The following PCDHA8 variants were observed in gnomAD, a reference collection of about 807,000 sequenced individuals.
PCDHA8 encodes protocadherin alpha 8, also known as protocadherin alpha-8.
PCDHA8 carries 53 observed loss-of-function variants against 61.8 expected under a neutral mutation model. That is an observed-to-expected ratio of 0.86 (90% CI 0.69 to 1.08). The LOEUF (loss-of-function observed/expected upper bound fraction) is 1.08, where lower values mean the gene tolerates loss of function less well. Among genes scored for constraint, PCDHA8 ranks in the 50% least tolerant of loss-of-function variants. PCDHA8 has a pLI of 0.00. For synonymous variants in PCDHA8, 618 were observed against 556.6 expected, an observed-to-expected ratio of 1.11 and a Z score of -1.55; for missense variants, 1,293 against 1,245.0, an observed-to-expected ratio of 1.04 and a Z score of -0.58.
At chr5:140,844,484 A>G (rs1442751127) in intron 1 of PCDHA8, among the ~76,000 whole-genome samples, 1 of 149,426 alleles carries the variant, frequency 6.7e-6, no homozygotes, top group Non-Finnish European at 1.5e-5. Context: ...CTCTATGTTT[A>G]GGAAATGATT....
chr5:140,969,225 C>G (rs782766938), intron 1 of PCDHA8: 13 of 1,614,118 alleles, frequency 8.1e-6, no homozygotes, highest in Admixed American at 1.7e-5. Flanking sequence ...CCAGGGCCTT[C>G]GGGAGCCCAA....
intron 1 of PCDHA8, chr5:140,864,371 G>C (rs1005201982): frequency 6.6e-6 from 1 of 151,926 alleles, no homozygotes; most frequent in Non-Finnish European, 1.5e-5. Context: ...TTCTATAATC[G>C]ATAAGTTTAT....
intron 1 of PCDHA8, chr5:140,853,873 G>T (rs1238273560): frequency 1.0e-6 from 1 of 983,500 alleles, no homozygotes; most frequent in Non-Finnish European, 1.2e-6. Context: ...GACAGTGCAA[G>T]TTTCTGTAAT....
At chr5:140,881,382 C>T (rs1312033271) in intron 1 of PCDHA8, 2 of 983,994 alleles carry the variant, frequency 2.0e-6, no homozygotes, top group Non-Finnish European at 2.4e-6. Flanking sequence ...CAGCCGGCGG[C>T]GGTAAGTTAA....
At position 140,841,270 on chromosome 5, in the gene PCDHA8, C is replaced by A; in HGVS notation, c.-52C>A. On this transcript the variant is annotated 5_prime_UTR_variant, in exon 1 of 4. Transcript: ENST00000531613. ...GATTAAAAGACTCTGAAAGTACAGT[C>A]GTTCATCTTTATATTAAGATAATAT... 4 of 1,529,280 alleles carry A rather than the reference C, an allele frequency of 2.6e-6. No individual in the cohort carries two copies. The South Asian group carries it at 3.9e-5, about 15-fold the overall frequency. 94.7% of individuals were successfully genotyped at this position (1,529,280 alleles called of 1,614,324 possible).
chr5:140,898,392 T>G (rs1464159946), intron 1 of PCDHA8, among the ~76,000 whole-genome samples: 3 of 152,224 alleles, frequency 2.0e-5, no homozygotes, highest in African/African-American at 7.2e-5. Flanking sequence ...GGATCCAGTT[T>G]CAGCTTTCTA....
intron 1 of PCDHA8, chr5:140,875,972 T>G: frequency 6.2e-7 from 1 of 1,614,068 alleles, no homozygotes; most frequent in Non-Finnish European, 8.5e-7. Context: ...GTAAACTCTC[T>G]TTTGACCTAT....
intron 1 of PCDHA8, chr5:140,863,004 G>A (rs1236967953): frequency 1.8e-6 from 1 of 551,012 alleles, no homozygotes; most frequent in African/African-American, 1.9e-5. Flanking sequence ...GTGGACTCCA[G>A]CTATGACGCC....
chr5:140,966,278 T>A, intron 1 of PCDHA8: 1 of 363,192 alleles, frequency 2.8e-6, no homozygotes, highest in Non-Finnish European at 4.9e-6. Context: ...AACTGGACAG[T>A]GGGGGTAGGG....
intron 3 of PCDHA8, among the ~76,000 whole-genome samples, chr5:140,986,896 A>G (rs1221599593): frequency 2.6e-5 from 4 of 152,184 alleles, no homozygotes; most frequent in African/African-American, 4.8e-5. Context: ...CTTAGGCCCT[A>G]TCCTAGACTA....
intron 1 of PCDHA8, chr5:140,858,050 C>G: frequency 6.3e-7 from 1 of 1,597,552 alleles, no homozygotes; most frequent in Non-Finnish European, 8.6e-7. Flanking sequence ...GCTTGTGTCG[C>G]TTGTGGAGGG....
chr5:140,995,102 C>A (rs976806158), intron 3 of PCDHA8, among the ~76,000 whole-genome samples: 3 of 152,312 alleles, frequency 2.0e-5, no homozygotes, highest in Middle Eastern at 6.8e-3. Context: ...GAGATACATT[C>A]CAAGACCCTC....
At chr5:140,861,303 GA>G in intron 1 of PCDHA8, 1 of 189,594 alleles carries the variant, frequency 5.3e-6, no homozygotes. Context: ...TGTGAAGCGG[GA>G]AAGGACCAGT....
chr5:140,848,428 C>T, intron 1 of PCDHA8: 1 of 1,450,060 alleles, frequency 6.9e-7, no homozygotes, highest in Non-Finnish European at 9.4e-7. Flanking sequence ...ATGGGACTGA[C>T]GAAATCAGAT....
At chr5:140,993,577 T>A (rs1215999612) in intron 3 of PCDHA8, among the ~76,000 whole-genome samples, 1 of 151,978 alleles carries the variant, frequency 6.6e-6, no homozygotes, top group African/African-American at 2.4e-5. Flanking sequence ...CTAGGGATGC[T>A]TTTCTTGGCT....
rs140124026 is a variant in PCDHA8, at chr5:140,973,683, C to T, written c.2395-5266C>T. On this transcript the variant is annotated intron_variant, in intron 1 of 3. Coordinates refer to ENST00000531613, the MANE Select transcript of PCDHA8 (RefSeq NM_018911.3). ...TTTATTGTAGCTTGAATGTCATTGG[C>T]CTACTGTTTCCTTCTGACCCAGGAG... is the stretch of plus-strand genomic sequence containing the variant. Among the ~76,000 whole-genome samples, 5 of 152,316 alleles carry T rather than the reference C, an allele frequency of 3.3e-5. No homozygotes were observed. The East Asian group carries it at 7.7e-4, about 24-fold the overall frequency.
At chr5:140,876,223 T>C (rs2056212607) in intron 1 of PCDHA8, 2 of 1,613,782 alleles carry the variant, frequency 1.2e-6, no homozygotes, top group Non-Finnish European at 1.7e-6. Flanking sequence ...TAAAGTAGTG[T>C]TGTCTGAAAA....
At chr5:140,995,060 A>C (rs1424126097) in intron 3 of PCDHA8, among the ~76,000 whole-genome samples, 2 of 152,204 alleles carry the variant, frequency 1.3e-5, no homozygotes, top group African/African-American at 2.4e-5. Context: ...AATTTTCAAA[A>C]ATCAACCTAC....
rs370299841 is a variant in PCDHA8, at chr5:140,841,414, C to T, written c.93C>T (p.Leu31=). 3 of 1,612,904 alleles carry T rather than the reference C, an allele frequency of 1.9e-6. 1 individual carries two copies. In the African/African-American group the frequency reaches 4.0e-5, roughly 22 times the overall value. ...CCTGGAAGGTGGGGAGCGGCCAGCT[C>T]CACTACTCCGTCCCCGAGGAGGCCA... The part of the protein sequence containing the change: ...LAAWKVGSGQ[L]HYSVPEEAKH... Residue 31 remains leucine, a synonymous_variant, in exon 1 of 4, where the codon CTC becomes CTT. Transcript: ENST00000531613.
Sources: gnomAD v4.1 joint callset for allele counts (sites outside exome capture counted in the v4.1 genomes callset) on GRCh38, gnomAD v4.1.1 for gene constraint, MANE v1.5 for transcripts, NCBI Gene and HGNC (gene_info 2026-07-23, HGNC 2026-07-21) for gene names.